JMJD1C: variants seen among roughly 807,000 people sequenced by gnomAD.
The protein encoded by JMJD1C is jumonji domain-containing protein 1C.
In JMJD1C, 31 loss-of-function variants were observed where a neutral mutation model predicts 245.3. The observed-to-expected ratio is 0.13, with a 90% confidence interval of 0.09 to 0.17. JMJD1C has a LOEUF of 0.17. Among genes scored for constraint, JMJD1C ranks in the 10% least tolerant of loss-of-function variants. JMJD1C has a pLI of 1.00. For synonymous variants in JMJD1C, 1,057 were observed against 1,017.4 expected (o/e 1.04, Z -0.74); for missense variants, 2,691 against 3,000.2 (o/e 0.90, Z 2.41).
At chr10:63,195,555 C>A (rs1366335670) in intron 13 of JMJD1C, among the ~76,000 whole-genome samples, 1 of 151,996 alleles carries the variant, frequency 6.6e-6, no homozygotes, top group Admixed American at 6.6e-5. Flanking sequence ...TATATTAAAC[C>A]TACTCAATCT....
chr10:63,347,994 C>T (rs1564816902), intron 2 of JMJD1C, among the ~76,000 whole-genome samples: 1 of 152,104 alleles, frequency 6.6e-6, no homozygotes, highest in African/African-American at 2.4e-5. Flanking sequence ...AGGCAGATCA[C>T]TTGAGGTCAG....
intron 4 of JMJD1C, among the ~76,000 whole-genome samples, chr10:63,217,555 C>CT (rs1454698168): frequency 2.0e-5 from 3 of 152,074 alleles, no homozygotes; most frequent in African/African-American, 7.2e-5. Context: ...AAATAAAATA[C>CT]TTTAAGAGAG....
intron 1 of JMJD1C, among the ~76,000 whole-genome samples, chr10:63,506,291 A>T (rs1301650918): frequency 6.6e-6 from 1 of 152,210 alleles, no homozygotes; most frequent in African/African-American, 2.4e-5. Flanking sequence ...TTAGAGTTTG[A>T]CCAGTGAGAA....
At chr10:63,323,633 G>A (rs1941174566) in intron 2 of JMJD1C, among the ~76,000 whole-genome samples, 2 of 152,036 alleles carry the variant, frequency 1.3e-5, no homozygotes, top group South Asian at 4.1e-4. Flanking sequence ...ATAAGGCCAG[G>A]TACATAAAAC....
chr10:63,496,082 A>G (rs1214366445), intron 1 of JMJD1C, among the ~76,000 whole-genome samples: 1 of 151,608 alleles, frequency 6.6e-6, no homozygotes, highest in Non-Finnish European at 1.5e-5. Context: ...CCTAAATATG[A>G]TCAAGCCTCT....
Position 63,217,232 on chromosome 10 carries a change from C to T in JMJD1C, c.653G>A (p.Arg218His), listed in dbSNP as rs1396873817. The change falls in exon 5 of 26, where the codon CGC (arginine) becomes CAC (histidine). Residue 218 changes from arginine (R) to histidine (H), a missense_variant. By Grantham distance (29) the Arg-to-His change is conservative. Coordinates refer to ENST00000399262, the MANE Select transcript of JMJD1C (RefSeq NM_032776.3). ...CTGATCATTCATAACGATCATGGTGCGGGTGAAGAGATCATGATGAGTAAT... is the reference window on the plus strand; with the variant it reads ...CTGATCATTCATAACGATCATGGTGTGGGTGAAGAGATCATGATGAGTAAT... Reference protein sequence around the residue: ...GIITHHDLFTRTMIVMNDQVL... With the variant: ...GIITHHDLFTHTMIVMNDQVL... 6.2e-6 allele frequency: 10 copies of T among 1,610,682 alleles called. No homozygotes were observed. The highest frequency in any genetic ancestry group is 1.7e-4 in the Middle Eastern group (1 of 6,042).
chr10:63,466,108 G>A (rs547943022), upstream of JMJD1C: 92 of 189,106 alleles, frequency 4.9e-4, no homozygotes, highest in Middle Eastern at 4.4e-3. Context: ...CTGCGGAGGC[G>A]GCAGCGGCCA....
intron 1 of JMJD1C, among the ~76,000 whole-genome samples, chr10:63,442,756 T>C (rs988710327): frequency 1.3e-5 from 2 of 152,236 alleles, no homozygotes; most frequent in African/African-American, 2.4e-5. Context: ...CTTCCTGTCA[T>C]AGAAAGTATA....
At chr10:63,453,003 C>A (rs923077677) in intron 1 of JMJD1C, among the ~76,000 whole-genome samples, 2 of 152,008 alleles carry the variant, frequency 1.3e-5, no homozygotes, top group Non-Finnish European at 2.9e-5. Context: ...ATGAGCTGTG[C>A]GTGGCTCACA....
intron 10 of JMJD1C, chr10:63,204,713 T>TCTCC: frequency 2.0e-6 from 2 of 985,446 alleles, no homozygotes; most frequent in South Asian, 4.7e-5. Context: ...AATCCCCCTC[T>TCTCC]CTGTCTTCTG....
intron 2 of JMJD1C, among the ~76,000 whole-genome samples, chr10:63,306,519 A>C (rs938900777): frequency 6.6e-6 from 1 of 152,244 alleles, no homozygotes; most frequent in Non-Finnish European, 1.5e-5. Flanking sequence ...GTGAGATGAA[A>C]CCAGATTTAT....
chr10:63,222,797 G>A, intron 3 of JMJD1C: 1 of 1,457,672 alleles, frequency 6.9e-7, no homozygotes, highest in Non-Finnish European at 9.6e-7. Flanking sequence ...AATTCCTAGT[G>A]AAAAATTAAT....
chr10:63,219,796 G>T, intron 4 of JMJD1C, 82 bp downstream of exon 4: 3 of 876,156 alleles, frequency 3.4e-6, no homozygotes, highest in Non-Finnish European at 5.6e-6. Flanking sequence ...TATTTATATT[G>T]CACACAATTG....
intron 2 of JMJD1C, among the ~76,000 whole-genome samples, chr10:63,280,164 A>T (rs1387016898): frequency 1.3e-5 from 2 of 152,160 alleles, no homozygotes; most frequent in Admixed American, 1.3e-4. Context: ...TTAAAAAAAA[A>T]TTACAGAATA....
intron 1 of JMJD1C, chr10:63,428,006 C>T: frequency 1.5e-6 from 1 of 667,418 alleles, no homozygotes; most frequent in Non-Finnish European, 2.8e-6. Flanking sequence ...CCCCTCTGTG[C>T]TGTCCACTGT....
intron 2 of JMJD1C, among the ~76,000 whole-genome samples, chr10:63,278,588 T>C (rs1857060206): frequency 6.6e-6 from 1 of 151,892 alleles, no homozygotes; most frequent in Admixed American, 6.6e-5. Flanking sequence ...AGTAGTACTG[T>C]TGCCGAGCGT....
intron 18 of JMJD1C, among the ~76,000 whole-genome samples, chr10:63,188,752 G>A (rs1378740637): frequency 1.3e-5 from 2 of 152,122 alleles, no homozygotes; most frequent in African/African-American, 2.4e-5. Flanking sequence ...TAAATGTTCT[G>A]TGTATAAATA....
At chr10:63,308,294 G>A (rs1403508822) in intron 2 of JMJD1C, among the ~76,000 whole-genome samples, 1 of 152,138 alleles carries the variant, frequency 6.6e-6, no homozygotes, top group African/African-American at 2.4e-5. Context: ...TCTTCCCTGA[G>A]GAAAGTAACC....
At chr10:63,183,392 G>C in intron 22 of JMJD1C, 55 bp downstream of exon 22, 1 of 1,489,050 alleles carries the variant, frequency 6.7e-7, no homozygotes, top group African/African-American at 1.4e-5. Flanking sequence ...GACAATACTA[G>C]TGAATGTGAT....
Sources: gnomAD v4.1 joint callset for allele counts (sites outside exome capture counted in the v4.1 genomes callset) on GRCh38, gnomAD v4.1.1 for gene constraint, MANE v1.5 for transcripts, NCBI Gene and HGNC (gene_info 2026-07-23, HGNC 2026-07-21) for gene names.